Variants in SCML2 observed in about 807,000 individuals in gnomAD.
The protein encoded by SCML2 is Scm polycomb group protein like 2.
In SCML2, 6 loss-of-function variants were observed where a neutral mutation model predicts 48.4. The observed-to-expected ratio is 0.12, with a 90% CI of 0.07 to 0.24. The LOEUF is 0.24. Among genes scored for constraint, SCML2 ranks in the 10% least tolerant of loss-of-function variants. The probability of loss-of-function intolerance (pLI) is 1.00; values close to 1 mark genes in which losing one functional copy is unlikely to be tolerated. For synonymous variants in SCML2, 181 were observed against 189.5 expected (o/e 0.95, Z 0.37); for missense variants, 377 against 528.2 (o/e 0.71, Z 2.81).
intron 7 of SCML2, among the ~76,000 whole-genome samples, chrX:18,295,331 C>T (rs1928358187): frequency 1.8e-5 from 2 of 110,809 alleles, no homozygotes; most frequent in South Asian, 3.9e-4. Flanking sequence ...GTATACCTCC[C>T]GGGAGCTTGG....
At chrX:18,342,045 T>C (rs1420963441) in intron 1 of SCML2, among the ~76,000 whole-genome samples, 2 of 111,975 alleles carry the variant, frequency 1.8e-5, no homozygotes, top group Non-Finnish European at 3.8e-5. Flanking sequence ...TGGGAAAAAT[T>C]AGAAGCCTGA....
intron 8 of SCML2, among the ~76,000 whole-genome samples, chrX:18,261,384 C>CT (rs1364165593): frequency 1.8e-5 from 2 of 109,033 alleles, no homozygotes; most frequent in African/African-American, 3.5e-5. Context: ...AATCTGAATC[C>CT]TTTGTCTTGA....
chrX:18,309,599 T>C (rs889373794), intron 6 of SCML2, among the ~76,000 whole-genome samples: 4 of 111,801 alleles, frequency 3.6e-5, no homozygotes, highest in African/African-American at 1.3e-4. Flanking sequence ...TATGCAGCCA[T>C]AAAAAAGGAC....
At chrX:18,252,781 G>A (rs1403284439) in intron 11 of SCML2, among the ~76,000 whole-genome samples, 1 of 112,189 alleles carries the variant, frequency 8.9e-6, no homozygotes, top group Non-Finnish European at 1.9e-5. Flanking sequence ...CCATACCTAG[G>A]CAAAAATAAA....
At chrX:18,337,240 T>C (rs1446220970) in intron 1 of SCML2, among the ~76,000 whole-genome samples, 2 of 93,521 alleles carry the variant, frequency 2.1e-5, no homozygotes, top group Non-Finnish European at 4.0e-5. Flanking sequence ...AGGTGGAGGT[T>C]GCAGTGAGCC....
At chrX:18,338,718 G>A (rs1929916303) in intron 1 of SCML2, among the ~76,000 whole-genome samples, 1 of 108,349 alleles carries the variant, frequency 9.2e-6, no homozygotes, top group Non-Finnish European at 1.9e-5. Flanking sequence ...TTGGAGACCA[G>A]CCTGGGCAAC....
At chrX:18,271,263 G>A (rs896323322) in intron 7 of SCML2, among the ~76,000 whole-genome samples, 3 of 111,098 alleles carry the variant, frequency 2.7e-5, no homozygotes, top group East Asian at 2.8e-4. Context: ...CTTTACACAT[G>A]AGGAAACATA....
intron 7 of SCML2, among the ~76,000 whole-genome samples, chrX:18,300,857 TA>T (rs1316350784): frequency 1.9e-5 from 2 of 107,801 alleles, no homozygotes; most frequent in South Asian, 3.9e-4. Context: ...AAACCATAAA[TA>T]AATCAGGTTA....
At position 18,252,544 on chromosome X, in the gene SCML2, T is replaced by C. The variant is rs954255130; in HGVS notation, c.1456+4304A>G. On this transcript the variant is annotated intron_variant, in intron 11 of 14. Transcript: ENST00000251900. ...TGAATACACTTAAAAAATACTGAAT[T>C]GTATACTTCTAAAAGGGTGAAATTA... Among the ~76,000 whole-genome samples the C allele has an allele frequency of 5.4e-5, 6 of 112,011 alleles. No homozygotes were observed. In the East Asian group the frequency reaches 1.1e-3, roughly 21 times the overall value.
rs756870174 is a variant in SCML2, at chrX:18,324,916, G to C, written c.153C>G (p.Cys51Trp). ...ETGSISAPSE[C>W]FRQSQIPPVN... ...CAGAATCTTGGCATACCTGACGGAA[G>C]CACTCTGAAGGAGCACTTATAGACC... Residue 51 changes from cysteine (C) to tryptophan (W), a missense_variant, in exon 4 of 15, where the codon TGC becomes TGG. Cys to Trp is a radical substitution (Grantham distance 215). Transcript: ENST00000251900. The C allele has an allele frequency of 8.4e-7, 1 of 1,195,357 alleles. No individual in the cohort carries two copies. Among genetic ancestry groups the C allele is most frequent in the Non-Finnish European group, 1.1e-6 (1 of 882,319 alleles).
chrX:18,290,351 C>A (rs1928192509), intron 7 of SCML2, among the ~76,000 whole-genome samples: 1 of 111,758 alleles, frequency 8.9e-6, no homozygotes, highest in South Asian at 3.7e-4. Flanking sequence ...GCTACACTTT[C>A]CTGATTCTAG....
At chrX:18,337,305 CAAAAAAAAAAA>C (rs770888184) in intron 1 of SCML2, among the ~76,000 whole-genome samples, 2 of 5,057 alleles carry the variant, frequency 4.0e-4, no homozygotes, top group African/African-American at 1.2e-3. Flanking sequence ...GACTCTGTCT[CAAAAAAAAAAA>C]AAAAAAAAAA....
At chrX:18,354,032 G>T (rs1930458073) in intron 1 of SCML2, among the ~76,000 whole-genome samples, 1 of 112,200 alleles carries the variant, frequency 8.9e-6, no homozygotes, top group Admixed American at 9.3e-5. Flanking sequence ...TGCACCGCTA[G>T]GGTGAGCCAC....
intron 7 of SCML2, 69 bp from the exon 8 acceptor site, chrX:18,265,871 AAAT>A: frequency 1.2e-6 from 1 of 814,179 alleles, no homozygotes; most frequent in Non-Finnish European, 1.7e-6. Flanking sequence ...TCATGACTCA[AAAT>A]AAGTTTTACT....
chrX:18,273,429 C>T (rs1193353458), intron 7 of SCML2, among the ~76,000 whole-genome samples: 1 of 111,465 alleles, frequency 9.0e-6, no homozygotes, highest in Non-Finnish European at 1.9e-5. Flanking sequence ...TTCAACATTT[C>T]CAAAAGTAGA....
Position 18,304,824 on chromosome X carries a change from T to A in SCML2, c.730+148A>T. ...AATCATAGCTTTCCTTTACCTCCAG[T>A]TCTCTAGCCTGGACAGCGCTTTGTT... On this transcript the variant is annotated intron_variant, in intron 7 of 14. Transcript: ENST00000251900. The A allele has an allele frequency of 5.1e-6, 3 of 590,939 alleles. No homozygotes were observed. In the East Asian group the frequency reaches 1.0e-4, roughly 20 times the overall value. 48.7% of individuals were successfully genotyped at this position (590,939 alleles called of 1,213,427 possible).
At chrX:18,299,905 AC>A (rs987567446) in intron 7 of SCML2, among the ~76,000 whole-genome samples, 4 of 109,044 alleles carry the variant, frequency 3.7e-5, no homozygotes, top group African/African-American at 1.3e-4. Context: ...TGCCCATTTT[AC>A]CTTTTTATTT....
chrX:18,354,342 G>A (rs1384691881), intron 1 of SCML2, among the ~76,000 whole-genome samples: 2 of 112,516 alleles, frequency 1.8e-5, no homozygotes, highest in African/African-American at 6.4e-5. Flanking sequence ...ACCCCGCGGC[G>A]GCGAAAAGGC....
At chrX:18,289,664 T>C (rs1481021185) in intron 7 of SCML2, among the ~76,000 whole-genome samples, 1 of 111,981 alleles carries the variant, frequency 8.9e-6, no homozygotes, top group Non-Finnish European at 1.9e-5. Flanking sequence ...AAGTGCTGCT[T>C]TATGTGGCTG....
Sources: gnomAD v4.1 joint callset for allele counts (sites outside exome capture counted in the v4.1 genomes callset) on GRCh38, gnomAD v4.1.1 for gene constraint, MANE v1.5 for transcripts, NCBI Gene and HGNC (gene_info 2026-07-23, HGNC 2026-07-21) for gene names.